DST: variants seen among roughly 807,000 people sequenced by gnomAD.
DST encodes dystonin, also known as bullous pemphigoid antigen.
In DST, 253 loss-of-function variants were observed where a neutral mutation model predicts 875.2. That is an observed-to-expected ratio of 0.29 (90% CI 0.26 to 0.32). DST has a LOEUF of 0.32. DST is among the 10% of genes least tolerant of loss of function. DST has a pLI of 1.00. For synonymous variants in DST, 3,124 were observed against 3,197.1 expected (o/e 0.98, Z 0.77); for missense variants, 8,287 against 9,111.6 (o/e 0.91, Z 3.68).
chr6:56,743,790 C>T (rs2099556911), intron 4 of DST, among the ~76,000 whole-genome samples: 1 of 152,042 alleles, frequency 6.6e-6, no homozygotes, highest in African/African-American at 2.4e-5. Flanking sequence ...TTTGTAAAAG[C>T]CTACTCAACT....
intron 4 of DST, among the ~76,000 whole-genome samples, chr6:56,759,166 T>C (rs931568686): frequency 1.3e-5 from 2 of 152,154 alleles, no homozygotes; most frequent in Admixed American, 1.3e-4. Flanking sequence ...TAAAAATAAA[T>C]CAGCCCAGGC....
intron 4 of DST, among the ~76,000 whole-genome samples, chr6:56,742,631 CT>C (rs1330798462): frequency 6.6e-6 from 1 of 152,018 alleles, no homozygotes. Flanking sequence ...TTTTAATTCC[CT>C]TTTTTTGTTT....
chr6:56,852,374 A>G (rs1253555434), intron 3 of DST, among the ~76,000 whole-genome samples: 2 of 152,238 alleles, frequency 1.3e-5, no homozygotes, highest in Non-Finnish European at 2.9e-5. Flanking sequence ...AATGAGAATG[A>G]TGCTGCGCAG....
chr6:56,736,810 CAAG>C (rs1438702004), intron 4 of DST, among the ~76,000 whole-genome samples: 1 of 152,032 alleles, frequency 6.6e-6, no homozygotes, highest in Non-Finnish European at 1.5e-5. Flanking sequence ...GAAAAAACAG[CAAG>C]AAGAAAAAGA....
At chr6:56,610,337 T>C in intron 39 of DST, 90 bp downstream of exon 39, 1 of 1,013,602 alleles carries the variant, frequency 9.9e-7, no homozygotes, top group Non-Finnish European at 1.4e-6. Context: ...AAATTCAAGG[T>C]CATTTCTTTA....
chr6:56,616,417 C>A, intron 36 of DST: 2 of 1,613,922 alleles, frequency 1.2e-6, no homozygotes, highest in South Asian at 2.2e-5. Flanking sequence ...CATACACGGT[C>A]AATTCTGATC....
chr6:56,886,647 T>G (rs1049873960), intron 3 of DST, among the ~76,000 whole-genome samples: 1 of 152,030 alleles, frequency 6.6e-6, no homozygotes, highest in Non-Finnish European at 1.5e-5. Flanking sequence ...TGGTGGCACA[T>G]GCCTGTAATC....
intron 9 of DST, chr6:56,693,390 A>T (rs2099245145): frequency 8.9e-7 from 1 of 1,120,346 alleles, no homozygotes; most frequent in African/African-American, 1.6e-5. Flanking sequence ...CTGGCCACCA[A>T]TCCTCTTAGA....
chr6:56,816,773 A>T (rs1169261835), intron 4 of DST, among the ~76,000 whole-genome samples: 1 of 152,012 alleles, frequency 6.6e-6, no homozygotes, highest in Non-Finnish European at 1.5e-5. Context: ...TATGTTCGTA[A>T]ATATATTCTA....
At chr6:56,462,783 G>A (rs151174284) in intron 102 of DST, among the ~76,000 whole-genome samples, 36 of 152,244 alleles carry the variant, frequency 2.4e-4, no homozygotes, top group African/African-American at 7.9e-4. Flanking sequence ...AACTAAGTAC[G>A]AATGAGAACA....
At chr6:56,601,187 T>C (rs114224540) in intron 44 of DST, among the ~76,000 whole-genome samples, 6,137 of 152,098 alleles carry the variant, frequency 0.04, 189 homozygotes, top group Non-Finnish European at 0.058. Context: ...AATTTCCTAG[T>C]CTTGGGGTGG....
intron 4 of DST, among the ~76,000 whole-genome samples, chr6:56,738,268 T>A (rs1256239333): frequency 5.3e-5 from 8 of 152,322 alleles, no homozygotes. Context: ...GCAGAAAGCA[T>A]TCCCAGACAG....
chr6:56,812,039 T>C (rs373381470), intron 4 of DST, among the ~76,000 whole-genome samples: 14 of 148,120 alleles, frequency 9.5e-5, no homozygotes, highest in African/African-American at 3.0e-4. Context: ...AAGGTGGAGA[T>C]TGCAGTGAAC....
chr6:56,866,906 T>A (rs16888186), intron 3 of DST, among the ~76,000 whole-genome samples: 38,094 of 152,152 alleles, frequency 0.25, 6,523 homozygotes, highest in African/African-American at 0.48. Flanking sequence ...CTCAACGAGT[T>A]CCAATTTCCT....
intron 9 of DST, among the ~76,000 whole-genome samples, chr6:56,689,682 G>A (rs144678788): frequency 6.6e-6 from 1 of 152,204 alleles, no homozygotes; most frequent in East Asian, 1.9e-4. Flanking sequence ...CACCTACAGA[G>A]CACCCACCCT....
At chr6:56,589,045 A>G (rs1243576646) in intron 49 of DST, among the ~76,000 whole-genome samples, 2 of 152,216 alleles carry the variant, frequency 1.3e-5, no homozygotes, top group South Asian at 4.1e-4. Context: ...AGTGAAGGGT[A>G]CCCTCCGAAA....
At chr6:56,902,134 T>C (rs1344392969) in intron 2 of DST, among the ~76,000 whole-genome samples, 1 of 152,136 alleles carries the variant, frequency 6.6e-6, no homozygotes, top group East Asian at 1.9e-4. Flanking sequence ...ACATAGATGA[T>C]AGACAGATGG....
At position 56,511,496 on chromosome 6, in the gene DST, A is replaced by C. The variant is rs916090003; in HGVS notation, c.18577-96T>G. 3.1e-6 allele frequency: 3 copies of C among 974,194 alleles called. No homozygotes were observed. The African/African-American group carries it at 4.9e-5, about 16-fold the overall frequency. 60.3% of individuals were successfully genotyped at this position (974,194 alleles called of 1,614,324 possible). A position where few individuals can be genotyped will look rare whatever the true frequency, so the allele number is the denominator to read the frequency against. On this transcript the variant is annotated intron_variant, in intron 72 of 103. Coordinates refer to ENST00000680361, the MANE Select transcript of DST (RefSeq NM_001374736.1). The stretch of plus-strand genomic sequence containing the variant: ...ATGCATCCAGCTGGCAAGAAACTCC[A>C]AACAAACCCCTCCCCATCACAAGGC...
At chr6:56,619,997 C>A in intron 36 of DST, 1 of 1,614,076 alleles carries the variant, frequency 6.2e-7, no homozygotes, top group Non-Finnish European at 8.5e-7. Context: ...TACTGCCCTG[C>A]ATGATGTAGC....
Sources: allele counts gnomAD v4.1 joint callset (sites outside exome capture counted in the v4.1 genomes callset), GRCh38; gene constraint gnomAD v4.1.1; transcripts MANE v1.5; gene names NCBI Gene and HGNC (gene_info 2026-07-23, HGNC 2026-07-21).